ADAMTS14: variants seen among roughly 807,000 people sequenced by gnomAD.
ADAMTS14 encodes the protein ADAM metallopeptidase with thrombospondin type 1 motif 14, also known as A disintegrin and metalloproteinase with thrombospondin motifs 14.
In ADAMTS14, 100 loss-of-function variants were observed where a neutral mutation model predicts 128.6. The ratio of observed to expected loss-of-function variants is 0.78; its 90% CI spans 0.66 to 0.92. The LOEUF (loss-of-function observed/expected upper bound fraction) is 0.92. Ranked by LOEUF, ADAMTS14 falls within the 40% of genes least tolerant of loss-of-function variation. The pLI, the probability that ADAMTS14 is intolerant of heterozygous loss-of-function variation, is 0.00. For missense variants in ADAMTS14, 1,562 were observed against 1,658.6 expected, an observed-to-expected ratio of 0.94 and a Z score of 1.01; for synonymous variants, 665 against 653.8, an observed-to-expected ratio of 1.02 and a Z score of -0.26.
At position 70,760,789 on chromosome 10, in the gene ADAMTS14, G is replaced by A. The variant is rs1195487801; in HGVS notation, c.3608G>A (p.Gly1203Glu). Residue 1203 changes from glycine (G) to glutamate (E), a missense_variant, in exon 22 of 22, where the codon GGG becomes GAG. Physicochemically the swap from Gly to Glu is moderately conservative, Grantham distance 98. Coordinates refer to ENST00000373207, the MANE Select transcript of ADAMTS14 (RefSeq NM_080722.4). ...QTPTPVPEDK[G>E]QPGEDLRHPG... is the part of the protein sequence containing the mutation. Reference sequence around the variant, plus strand: ...CCTACGCCAGTCCCTGAGGACAAAGGGCAACCTGGAGAAGACCTGAGACAT... The same window carrying A: ...CCTACGCCAGTCCCTGAGGACAAAGAGCAACCTGGAGAAGACCTGAGACAT... 1.2e-6 allele frequency: 2 copies of A among 1,609,738 alleles called. No homozygotes were observed. The highest frequency in any genetic ancestry group is 1.7e-6 in the Non-Finnish European group (2 of 1,177,278).
intron 1 of ADAMTS14, among the ~76,000 whole-genome samples, chr10:70,673,960 C>A (rs1284681288): frequency 6.6e-6 from 1 of 152,216 alleles, no homozygotes; most frequent in African/African-American, 2.4e-5. Flanking sequence ...CTCGGCCATA[C>A]AGAGATCTCA....
intron 2 of ADAMTS14, among the ~76,000 whole-genome samples, chr10:70,680,975 A>G (rs1312409517): frequency 6.6e-6 from 1 of 152,228 alleles, no homozygotes; most frequent in East Asian, 1.9e-4. Flanking sequence ...ATTATTAATA[A>G]TGATAAATAT....
chr10:70,741,607 G>A (rs189901557), intron 12 of ADAMTS14, among the ~76,000 whole-genome samples: 1 of 152,318 alleles, frequency 6.6e-6, no homozygotes, highest in African/African-American at 2.4e-5. Flanking sequence ...ATTACACGCT[G>A]TGTTTTTAGG....
At chr10:70,749,636 T>TGTGTGC (rs1491491341) in intron 15 of ADAMTS14, among the ~76,000 whole-genome samples, 186 bp from the exon 16 acceptor site, 90 of 146,026 alleles carry the variant, frequency 6.2e-4, no homozygotes, top group South Asian at 1.3e-3. Flanking sequence ...TGTGTGTGTG[T>TGTGTGC]GCGCGCACGT....
At chr10:70,698,001 G>A (rs932438228) in intron 2 of ADAMTS14, among the ~76,000 whole-genome samples, 4 of 152,244 alleles carry the variant, frequency 2.6e-5, no homozygotes, top group Non-Finnish European at 5.9e-5. Flanking sequence ...GCCCAGCTGA[G>A]AGTGGCCAGA....
intron 16 of ADAMTS14, 65 bp from the exon 17 acceptor site, chr10:70,751,413 C>A: frequency 6.6e-7 from 1 of 1,511,072 alleles, no homozygotes; most frequent in Non-Finnish European, 9.1e-7. Context: ...CGGCCCCTCC[C>A]CTCCCAGTGC....
intron 4 of ADAMTS14, among the ~76,000 whole-genome samples, chr10:70,712,881 C>A (rs1490659445): frequency 6.6e-6 from 1 of 152,228 alleles, no homozygotes; most frequent in Admixed American, 6.5e-5. Context: ...GGAGTGGCAG[C>A]ATCTCCCAGG....
chr10:70,674,467 C>T, intron 1 of ADAMTS14, 89 bp from the exon 2 acceptor site: 1 of 1,344,582 alleles, frequency 7.4e-7, no homozygotes, highest in Non-Finnish European at 1.0e-6. Context: ...ACTGAGAGTT[C>T]CTATCCCTCC....
chr10:70,728,921 G>A (rs1002920728), intron 4 of ADAMTS14, among the ~76,000 whole-genome samples: 4 of 152,314 alleles, frequency 2.6e-5, no homozygotes, highest in East Asian at 1.9e-4. Flanking sequence ...ATGTTAGGGC[G>A]AGTGGCCTGT....
intron 19 of ADAMTS14, among the ~76,000 whole-genome samples, chr10:70,755,360 GT>G (rs1216004378): frequency 6.6e-6 from 1 of 151,690 alleles, no homozygotes; most frequent in East Asian, 1.9e-4. Context: ...ATCCAGACAT[GT>G]AAGGACAAAC....
At chr10:70,739,754 A>G (rs1473019462) in intron 11 of ADAMTS14, among the ~76,000 whole-genome samples, 2 of 152,216 alleles carry the variant, frequency 1.3e-5, no homozygotes, top group Admixed American at 1.3e-4. Context: ...TTGTAGGGTC[A>G]CAGTGGCTCT....
At chr10:70,736,867 C>A in intron 10 of ADAMTS14, 74 bp downstream of exon 10, 1 of 1,357,994 alleles carries the variant, frequency 7.4e-7, no homozygotes, top group East Asian at 2.4e-5. Flanking sequence ...GGGGTGGATC[C>A]CAGAGTGAAC....
intron 4 of ADAMTS14, among the ~76,000 whole-genome samples, chr10:70,719,981 T>C (rs1190557910): frequency 6.6e-6 from 1 of 152,164 alleles, no homozygotes; most frequent in Non-Finnish European, 1.5e-5. Flanking sequence ...GTTTCACAAA[T>C]AGGTTGTGGG....
Position 70,730,375 on chromosome 10 carries a change from C to T in ADAMTS14, c.1102+126C>T. On this transcript the variant is annotated intron_variant, in intron 6 of 21. Coordinates refer to ENST00000373207, the MANE Select transcript of ADAMTS14 (RefSeq NM_080722.4). ...ACATGGAGGTTTGAAGGGATGGGAC[C>T]TGGACAGCCGAGGATGAGCTTTGCA... The T allele has an allele frequency of 3.8e-6, 5 of 1,312,722 alleles. No homozygotes were observed. The South Asian group carries it at 6.3e-5, about 17-fold the overall frequency. 81.3% of individuals were successfully genotyped at this position (1,312,722 alleles called of 1,614,324 possible). A position where few individuals can be genotyped will look rare whatever the true frequency, so the allele number is the denominator to read the frequency against.
At chr10:70,711,732 C>T (rs923969651) in intron 4 of ADAMTS14, among the ~76,000 whole-genome samples, 1 of 152,150 alleles carries the variant, frequency 6.6e-6, no homozygotes, top group African/African-American at 2.4e-5. Flanking sequence ...GGAACCCCAA[C>T]AGCACACACA....
intron 2 of ADAMTS14, among the ~76,000 whole-genome samples, chr10:70,693,563 T>C (rs903867889): frequency 2.6e-5 from 4 of 152,236 alleles, no homozygotes; most frequent in African/African-American, 7.2e-5. Flanking sequence ...GTTGTGGTTA[T>C]AATCCTGAAG....
At chr10:70,717,520 A>T (rs1462964505) in intron 4 of ADAMTS14, among the ~76,000 whole-genome samples, 2 of 152,160 alleles carry the variant, frequency 1.3e-5, no homozygotes, top group Non-Finnish European at 2.9e-5. Flanking sequence ...ACTGTGGCGT[A>T]AAGAAGAGGC....
chr10:70,743,512 C>T (rs1415722947), intron 12 of ADAMTS14, 36 bp from the exon 13 acceptor site: 1 of 1,598,110 alleles, frequency 6.3e-7, no homozygotes, highest in South Asian at 1.1e-5. Flanking sequence ...TTCTCTGAGC[C>T]CAGCTGGGGA....
rs112078980 is a variant in ADAMTS14, at chr10:70,697,595, T to C, written c.523-4717T>C. Among the ~76,000 whole-genome samples, 389 of 152,376 alleles carry C rather than the reference T, an allele frequency of 2.6e-3. 2 individuals are homozygous for C. Among genetic ancestry groups the C allele is most frequent in the African/African-American group, 8.9e-3 (371 of 41,582 alleles). On this transcript the variant is annotated intron_variant, in intron 2 of 21. Transcript: ENST00000373207. ...CATACGTACTCATTTCAAAACAATT[T>C]GGCCTCAATTACCTGCTATAATATC...
Sources: allele counts gnomAD v4.1 joint callset (sites outside exome capture counted in the v4.1 genomes callset), GRCh38; gene constraint gnomAD v4.1.1; transcripts MANE v1.5; gene names NCBI Gene and HGNC (gene_info 2026-07-23, HGNC 2026-07-21).